STEEP1: variants seen among roughly 807,000 people sequenced by gnomAD.
The protein encoded by STEEP1 is STING ER exit protein.
STEEP1 carries 3 observed loss-of-function variants against 19.2 expected under a neutral mutation model. The ratio of observed to expected loss-of-function variants is 0.16; its 90% CI spans 0.07 to 0.40. The LOEUF is 0.40. Ranked by LOEUF, STEEP1 falls within the 10% of genes least tolerant of loss-of-function variation. The probability of loss-of-function intolerance (pLI) is 0.99; values close to 1 mark genes in which losing one functional copy is unlikely to be tolerated. For synonymous variants in STEEP1, 46 were observed against 63.7 expected (o/e 0.72, Z 1.32); for missense variants, 54 against 177.1 (o/e 0.30, Z 3.94).
At chrX:119,564,485 G>A (rs1412778312) in intron 1 of STEEP1, among the ~76,000 whole-genome samples, 1 of 62,981 alleles carries the variant, frequency 1.6e-5, no homozygotes, top group African/African-American at 6.6e-5. Context: ...AGCAGAGTGA[G>A]ACTCCATCTG....
intron 2 of STEEP1, among the ~76,000 whole-genome samples, chrX:119,545,867 T>G (rs1290482952): frequency 1.1e-5 from 1 of 93,818 alleles, no homozygotes. Context: ...CACTCCAGCC[T>G]GGGCAACAAG....
intron 5 of STEEP1, among the ~76,000 whole-genome samples, chrX:119,542,055 C>CTTTTTTTTTTTTTT (rs201339708): frequency 3.3e-4 from 27 of 82,907 alleles, no homozygotes; most frequent in Non-Finnish European, 5.3e-4. Context: ...CTTTTCTTTT[C>CTTTTTTTTTTTTTT]TTTTTTTTTT....
chrX:119,565,284 C>G lies in STEEP1; in HGVS notation c.72G>C (p.Glu24Asp), dbSNP rs775801685. ...TRDREEYDDG[E>D]KPLHVYYCLC... The stretch of plus-strand genomic sequence containing the variant: ...AACAGTAGTAAACATGGAGGGGCTT[C>G]TCGCCGTCGTCATATTCCTCCCGGT... Residue 24 changes from glutamate (E) to aspartate (D), a missense_variant, in exon 1 of 7, where the codon GAG becomes GAC. Physicochemically the swap from Glu to Asp is conservative, Grantham distance 45. Around this residue, in one of 2 missense-constraint regions of STEEP1, gnomAD observed 47 missense variants for 118.5 expected, o/e 0.40. Transcript: ENST00000644802. 67 of 1,208,417 alleles carry G rather than the reference C, an allele frequency of 5.5e-5. No individual in the cohort carries two copies. In the South Asian group the frequency reaches 1.2e-3, roughly 21 times the overall value.
At chrX:119,565,168 A>AT in intron 1 of STEEP1, 64 bp downstream of exon 1, 1 of 1,138,950 alleles carries the variant, frequency 8.8e-7, no homozygotes, top group South Asian at 2.2e-5. Flanking sequence ...GCCAGAGGAA[A>AT]TTCGCCTTCA....
At chrX:119,548,916 C>A (rs1217487813) in intron 2 of STEEP1, among the ~76,000 whole-genome samples, 1 of 111,926 alleles carries the variant, frequency 8.9e-6, no homozygotes, top group Admixed American at 9.6e-5. Flanking sequence ...GGAAATCCTG[C>A]CATTTGTGAT....
chrX:119,557,636 T>C (rs1184133863), intron 2 of STEEP1, among the ~76,000 whole-genome samples: 1 of 111,419 alleles, frequency 9.0e-6, no homozygotes, highest in Non-Finnish European at 1.9e-5. Flanking sequence ...CTTAATCCAA[T>C]ATGATTGGTG....
chrX:119,560,419 A>G, intron 1 of STEEP1, 34 bp from the exon 2 acceptor site: 2 of 972,789 alleles, frequency 2.1e-6, no homozygotes, highest in South Asian at 2.0e-5. Context: ...CACTAGAGTC[A>G]TGGCAAAATA....
intron 2 of STEEP1, among the ~76,000 whole-genome samples, chrX:119,555,482 G>A (rs955501265): frequency 6.3e-5 from 7 of 111,130 alleles, no homozygotes; most frequent in Admixed American, 1.9e-4. Flanking sequence ...TTCTGGGTAA[G>A]AATTTAATTA....
intron 3 of STEEP1, among the ~76,000 whole-genome samples, 196 bp downstream of exon 3, chrX:119,545,267 C>A (rs1269989629): frequency 9.4e-6 from 1 of 106,922 alleles, no homozygotes; most frequent in East Asian, 3.0e-4. Flanking sequence ...GCAGGAGAAT[C>A]GCTTAAACCC....
intron 3 of STEEP1, among the ~76,000 whole-genome samples, chrX:119,545,154 G>GACC (rs1253207874): frequency 9.7e-6 from 1 of 102,752 alleles, no homozygotes; most frequent in Non-Finnish European, 2.0e-5. Flanking sequence ...AGGAGTTCGA[G>GACC]ACCAGCCTGA....
intron 2 of STEEP1, among the ~76,000 whole-genome samples, 190 bp from the exon 3 acceptor site, chrX:119,545,694 C>T: frequency 9.0e-6 from 1 of 111,149 alleles, no homozygotes; most frequent in African/African-American, 3.3e-5. Flanking sequence ...GTCAGGAGTT[C>T]GAGACCAGCC....
intron 2 of STEEP1, among the ~76,000 whole-genome samples, chrX:119,556,197 T>C (rs2053277140): frequency 9.0e-6 from 1 of 110,858 alleles, no homozygotes; most frequent in Admixed American, 9.8e-5. Context: ...TTCCATCTCT[T>C]TTGCTTGGCC....
chrX:119,544,507 G>GA lies in STEEP1; in HGVS notation c.285-17dup. On this transcript the variant is annotated splice_polypyrimidine_tract_variant and intron_variant, in intron 3 of 6. Transcript: ENST00000644802. ...CAGTCCACACCTGCAATGACACAGT[G>GA]AATTTCTGCGAGGTCTCATAATCCA... 2 of 1,202,103 alleles carry GA rather than the reference G, an allele frequency of 1.7e-6. No homozygotes were observed. The highest frequency in any genetic ancestry group is 2.2e-6 in the Non-Finnish European group (2 of 889,333).
In STEEP1 at chrX:119,565,399, C is replaced by T; in HGVS notation, c.-44G>A. ...GAAAACTCTACGCCAAGAAGAGGGT[C>T]GCCCCGAAATGACGTCACGAGTGCG... On this transcript the variant is annotated 5_prime_UTR_variant, in exon 1 of 7. Transcript: ENST00000644802. The T allele has an allele frequency of 9.4e-6, 10 of 1,068,328 alleles. No homozygotes were observed. Among genetic ancestry groups the T allele is most frequent in the Non-Finnish European group, 1.3e-5 (10 of 774,926 alleles). 88.0% of individuals were successfully genotyped at this position (1,068,328 alleles called of 1,213,427 possible). A position where few individuals can be genotyped will look rare whatever the true frequency, so the allele number is the denominator to read the frequency against.
chrX:119,558,262 C>T (rs2053295642), intron 2 of STEEP1, among the ~76,000 whole-genome samples: 1 of 110,969 alleles, frequency 9.0e-6, no homozygotes, highest in Non-Finnish European at 1.9e-5. Flanking sequence ...CGGCCGGGCA[C>T]GATGGCTCAC....
chrX:119,543,429 C>T (rs756979913), intron 4 of STEEP1, among the ~76,000 whole-genome samples: 3 of 110,052 alleles, frequency 2.7e-5, no homozygotes, highest in South Asian at 3.9e-4. Flanking sequence ...TCAGGTGATC[C>T]GCCCACCTCG....
At chrX:119,556,026 A>G (rs966319331) in intron 2 of STEEP1, among the ~76,000 whole-genome samples, 23 of 111,937 alleles carry the variant, frequency 2.1e-4, no homozygotes, top group Admixed American at 1.6e-3. Flanking sequence ...GTTGAGACCC[A>G]AGGATAGCAG....
intron 2 of STEEP1, among the ~76,000 whole-genome samples, chrX:119,550,108 A>C (rs951835747): frequency 4.4e-5 from 5 of 112,638 alleles, no homozygotes; most frequent in Admixed American, 9.5e-5. Flanking sequence ...ATGGATTGGA[A>C]GACTTAATAT....
chrX:119,559,945 A>T (rs2053309752), intron 2 of STEEP1, among the ~76,000 whole-genome samples: 1 of 111,898 alleles, frequency 8.9e-6, no homozygotes, highest in Non-Finnish European at 1.9e-5. Context: ...GCTACTGGGG[A>T]GGCTGAGGCA....
Sources: gnomAD v4.1 joint callset for allele counts (sites outside exome capture counted in the v4.1 genomes callset) on GRCh38, gnomAD v4.1.1 for gene constraint, gnomAD v4.1.1 regional missense constraint, MANE v1.5 for transcripts, NCBI Gene and HGNC (gene_info 2026-07-23, HGNC 2026-07-21) for gene names.